The following PRSS3 variants were observed in gnomAD, a reference collection of about 807,000 sequenced individuals.
PRSS3 encodes serine protease 3.
Under a neutral mutation model 20.8 loss-of-function variants are expected in PRSS3, and 14 were observed. The observed-to-expected ratio is 0.67, with a 90% CI of 0.44 to 1.05. The LOEUF (loss-of-function observed/expected upper bound fraction) is 1.05. Among genes scored for constraint, PRSS3 ranks in the 50% least tolerant of loss-of-function variants. The pLI is 0.00. For missense variants in PRSS3, 237 were observed against 306.4 expected (o/e 0.77, Z 1.69); for synonymous variants, 91 against 117.6 (o/e 0.77, Z 1.46).
At chr9:33,783,568 T>C (rs757186686) in intron 1 of PRSS3, among the ~76,000 whole-genome samples, 1 of 152,196 alleles carries the variant, frequency 6.6e-6, no homozygotes, top group Non-Finnish European at 1.5e-5. Context: ...AACTTTCAGC[T>C]TCTATAGATG....
chr9:33,780,931 T>G (rs1395168323), intron 1 of PRSS3, among the ~76,000 whole-genome samples: 2 of 152,112 alleles, frequency 1.3e-5, no homozygotes, highest in African/African-American at 2.4e-5. Context: ...CAGACGATAA[T>G]AGTGGGAAAT....
At chr9:33,756,987 T>C (rs1179828020) in intron 1 of PRSS3, among the ~76,000 whole-genome samples, 1 of 152,250 alleles carries the variant, frequency 6.6e-6, no homozygotes, top group East Asian at 1.9e-4. Context: ...GAAAGCCTTC[T>C]TGATGGCTTA....
At chr9:33,792,038 A>C (rs899123572), upstream of PRSS3, among the ~76,000 whole-genome samples, 1 of 152,186 alleles carries the variant, frequency 6.6e-6, no homozygotes, top group Admixed American at 6.5e-5. Context: ...CCATATTACA[A>C]GTCAGACTTT....
In PRSS3 at chr9:33,758,488, G is replaced by T. The variant is rs1303719579; in HGVS notation, c.-53+7761G>T. The stretch of plus-strand genomic sequence containing the variant: ...TAGAATCTAAACTCCCAGGGACCTG[G>T]AGACTTGGCTGAGAACAGCCTGACA... On this transcript the variant is annotated intron_variant, in intron 1 of 5. Coordinates refer to the PRSS3 transcript ENST00000342836. 2.6e-5 allele frequency among the ~76,000 whole-genome samples: 4 copies of T among 152,326 alleles called. No homozygotes were observed. In the South Asian group the frequency reaches 8.3e-4, roughly 32 times the overall value.
chr9:33,796,226 G>T (rs1280417209), intron 1 of PRSS3, among the ~76,000 whole-genome samples: 4 of 151,984 alleles, frequency 2.6e-5, no homozygotes, highest in Admixed American at 2.6e-4. Context: ...TCATGGCCAG[G>T]TCTACCCAGA....
At chr9:33,793,291 A>G (rs1406119421), upstream of PRSS3, among the ~76,000 whole-genome samples, 2 of 152,242 alleles carry the variant, frequency 1.3e-5, no homozygotes, top group African/African-American at 2.4e-5. Flanking sequence ...ACTGGTGTCT[A>G]CAGTTGCTAC....
At chr9:33,786,898 T>C in intron 1 of PRSS3, 1 of 618,654 alleles carries the variant, frequency 1.6e-6, no homozygotes, top group Non-Finnish European at 2.9e-6. Flanking sequence ...TCCCCTCACA[T>C]GAACCTGAGG....
intron 1 of PRSS3, among the ~76,000 whole-genome samples, chr9:33,769,376 G>A (rs531424964): frequency 3.3e-5 from 5 of 152,252 alleles, no homozygotes; most frequent in East Asian, 1.9e-4. Flanking sequence ...TCAGCAAGTC[G>A]GGAACAGAGA....
chr9:33,770,371 G>A (rs891998136), intron 1 of PRSS3, among the ~76,000 whole-genome samples: 1 of 152,158 alleles, frequency 6.6e-6, no homozygotes, highest in Non-Finnish European at 1.5e-5. Flanking sequence ...CCCATACCTG[G>A]TTTAGACGAT....
intron 1 of PRSS3, chr9:33,786,570 A>T (rs1824421116): frequency 1.3e-6 from 1 of 766,200 alleles, no homozygotes; most frequent in Admixed American, 1.7e-5. Flanking sequence ...CCAAGCAGGG[A>T]TATCTGTCAA....
intron 3 of PRSS3, 120 bp downstream of exon 3, chr9:33,798,202 C>T: frequency 6.5e-7 from 1 of 1,548,152 alleles, no homozygotes; most frequent in Non-Finnish European, 8.8e-7. Context: ...GTGCCCATTA[C>T]ACACAGTCTC....
At chr9:33,777,536 A>AC (rs2118959448) in intron 1 of PRSS3, among the ~76,000 whole-genome samples, 1 of 148,418 alleles carries the variant, frequency 6.7e-6, no homozygotes, top group Non-Finnish European at 1.5e-5. Context: ...AATACCAAAA[A>AC]AAAAAAAAAA....
chr9:33,765,846 T>A (rs1027391426), intron 1 of PRSS3, among the ~76,000 whole-genome samples: 2 of 152,184 alleles, frequency 1.3e-5, no homozygotes, highest in African/African-American at 4.8e-5. Flanking sequence ...AATGAAAACA[T>A]CTATACACAC....
chr9:33,798,810 G>A, intron 4 of PRSS3, 188 bp downstream of exon 4: 2 of 1,099,796 alleles, frequency 1.8e-6, no homozygotes, highest in Non-Finnish European at 1.3e-6. Flanking sequence ...GAAGGTGGCG[G>A]GGCTGAGGAG....
intron 1 of PRSS3, among the ~76,000 whole-genome samples, chr9:33,764,348 A>G (rs887177582): frequency 2.6e-5 from 4 of 152,238 alleles, no homozygotes; most frequent in Non-Finnish European, 5.9e-5. Context: ...AGCCTGGCCA[A>G]CATGGTGAAA....
intron 1 of PRSS3, among the ~76,000 whole-genome samples, chr9:33,773,005 T>G (rs1333746625): frequency 6.6e-6 from 1 of 152,196 alleles, no homozygotes; most frequent in East Asian, 1.9e-4. Flanking sequence ...TACTGCTTTG[T>G]TTTTTTAAAG....
In PRSS3 at chr9:33,796,691, G is replaced by A. The variant is rs747424046; in HGVS notation, c.89G>A (p.Cys30Tyr). Residue 30 changes from cysteine to tyrosine, a missense_variant, in exon 2 of 5, where the codon TGT (cysteine) becomes TAT (tyrosine). Physicochemically the swap from Cys to Tyr is radical, Grantham distance 194. Transcript: ENST00000379405. ...GACAAGATTGTTGGGGGCTACACCT[G>A]TGAGGAGAATTCTCTCCCCTACCAG... ...DDDKIVGGYT[C>Y]EENSLPYQVS... 2 of 1,610,222 alleles carry A rather than the reference G, an allele frequency of 1.2e-6. No individual in the cohort carries two copies. Among genetic ancestry groups the A allele is most frequent in the African/African-American group, 2.7e-5 (2 of 74,724 alleles).
At chr9:33,763,677 C>T (rs1269144966) in intron 1 of PRSS3, among the ~76,000 whole-genome samples, 4 of 123,588 alleles carry the variant, frequency 3.2e-5, no homozygotes, top group Admixed American at 1.1e-4. Context: ...CCAGCCTGGG[C>T]GAAAGAGCGA....
intron 1 of PRSS3, among the ~76,000 whole-genome samples, chr9:33,756,171 T>C (rs1587367222): frequency 6.6e-6 from 1 of 152,210 alleles, no homozygotes; most frequent in Admixed American, 6.5e-5. Flanking sequence ...TTTGGCTGGG[T>C]ATGGGATATT....
Sources: allele counts gnomAD v4.1 joint callset (sites outside exome capture counted in the v4.1 genomes callset), GRCh38; gene constraint gnomAD v4.1.1; transcripts MANE v1.5; gene names NCBI Gene and HGNC (gene_info 2026-07-23, HGNC 2026-07-21).